Variants in MFSD6 observed in about 807,000 individuals in gnomAD.
The protein encoded by MFSD6 is major facilitator superfamily domain containing 6.
MFSD6 carries 26 observed loss-of-function variants against 56.3 expected under a neutral mutation model. The ratio of observed to expected loss-of-function variants is 0.46; its 90% CI spans 0.34 to 0.64. The LOEUF (loss-of-function observed/expected upper bound fraction) is 0.64, where lower values mean the gene tolerates loss of function less well. Ranked by LOEUF, MFSD6 falls within the 30% of genes least tolerant of loss-of-function variation. The pLI is 0.01. For synonymous variants in MFSD6, 331 were observed against 366.9 expected, an observed-to-expected ratio of 0.90 and a Z score of 1.12; for missense variants, 750 against 986.2, an observed-to-expected ratio of 0.76 and a Z score of 3.21.
intron 4 of MFSD6, among the ~76,000 whole-genome samples, chr2:190,474,716 T>C (rs1688180709): frequency 6.6e-6 from 1 of 152,230 alleles, no homozygotes; most frequent in Non-Finnish European, 1.5e-5. Context: ...ACTCATTTTA[T>C]GAGGCCAGCA....
intron 2 of MFSD6, among the ~76,000 whole-genome samples, chr2:190,422,509 C>G (rs893815319): frequency 3.9e-5 from 6 of 152,174 alleles, no homozygotes; most frequent in Non-Finnish European, 5.9e-5. Flanking sequence ...CTTTATTTCA[C>G]CCATAAACTC....
At position 190,438,766 on chromosome 2, in the gene MFSD6, A is replaced by G. The variant is rs1686267123; in HGVS notation, c.1532+1205A>G. ...AATCTGCTATTTCTATAAGAAATTAAAGAGGAGAAATAGACAATGACAAGA... is the reference window on the plus strand; with the variant it reads ...AATCTGCTATTTCTATAAGAAATTAGAGAGGAGAAATAGACAATGACAAGA... On this transcript the variant is annotated intron_variant, in intron 3 of 7. Transcript: ENST00000392328. This position sits in a 1 kb window ranked among gnomAD's most constrained non-coding sequence, Gnocchi z 5.2. Among the ~76,000 whole-genome samples, 1 of 152,262 alleles carries G rather than the reference A, an allele frequency of 6.6e-6. No individual in the cohort carries two copies. The highest frequency in any genetic ancestry group is 6.5e-5 in the Admixed American group (1 of 15,290).
At chr2:190,446,150 C>T (rs1480421866) in intron 3 of MFSD6, among the ~76,000 whole-genome samples, 1 of 152,158 alleles carries the variant, frequency 6.6e-6, no homozygotes, top group African/African-American at 2.4e-5. Flanking sequence ...CAGGATTCTC[C>T]CCTGTCTTGT....
At position 190,437,961 on chromosome 2, in the gene MFSD6, T is replaced by A. The variant is rs993014345; in HGVS notation, c.1532+400T>A. Among the ~76,000 whole-genome samples, 8 of 152,166 alleles carry A rather than the reference T, an allele frequency of 5.3e-5. No homozygotes were observed. Among genetic ancestry groups the A allele is most frequent in the African/African-American group, 1.4e-4 (6 of 41,414 alleles). On this transcript the variant is annotated intron_variant, in intron 3 of 7. Transcript: ENST00000392328. The surrounding 1 kb of genome is among the most constrained non-coding windows in gnomAD (Gnocchi z 5.9). ...CTTAAGTAGATAAAGTGGACTTTTT[T>A]AAGCCTTTATTCTCAGCCACTTGCT...
chr2:190,476,437 A>G (rs1048031409), intron 4 of MFSD6, among the ~76,000 whole-genome samples: 26 of 152,256 alleles, frequency 1.7e-4, no homozygotes, highest in Non-Finnish European at 3.1e-4. Context: ...TATGCAGCCA[A>G]CAGACACATG....
At position 190,413,705 on chromosome 2, in the gene MFSD6, G is replaced by A. The variant is rs1411483673; in HGVS notation, c.-175-1587G>A. Among the ~76,000 whole-genome samples, 1 of 152,202 alleles carries A rather than the reference G, an allele frequency of 6.6e-6. No homozygotes were observed. Among genetic ancestry groups the A allele is most frequent in the African/African-American group, 2.4e-5 (1 of 41,448 alleles). On this transcript the variant is annotated intron_variant, in intron 1 of 7. Coordinates refer to ENST00000392328, the MANE Select transcript of MFSD6 (RefSeq NM_017694.4). The surrounding 1 kb of genome is among the most constrained non-coding windows in gnomAD (Gnocchi z 4.1). ...GAAAGTGAGTGGCGAGCCTGGACTG[G>A]TAGTTAGCAGTCTGTGTTGGTTATG...
At chr2:190,483,467 A>T (rs1688816965) in intron 4 of MFSD6, among the ~76,000 whole-genome samples, 1 of 152,158 alleles carries the variant, frequency 6.6e-6, no homozygotes, top group South Asian at 2.1e-4. Flanking sequence ...TACTGTACCT[A>T]TTGGAGGAAT....
rs1689353408 is a variant in MFSD6, at chr2:190,491,532, T to C, written c.1891+1666T>C. Reference sequence around the variant, plus strand: ...CCAGCCTGGAGCCTGGTAGCCCTGCTGGGTGGGCTAGATCCAGAAGAGAAA... The same window carrying C: ...CCAGCCTGGAGCCTGGTAGCCCTGCCGGGTGGGCTAGATCCAGAAGAGAAA... On this transcript the variant is annotated intron_variant, in intron 6 of 7. Coordinates refer to ENST00000392328, the MANE Select transcript of MFSD6 (RefSeq NM_017694.4). The surrounding 1 kb of genome is among the most constrained non-coding windows in gnomAD (Gnocchi z 4.2). Among the ~76,000 whole-genome samples the C allele has an allele frequency of 6.6e-6, 1 of 152,168 alleles. No individual in the cohort carries two copies. The highest frequency in any genetic ancestry group is 2.4e-5 in the African/African-American group (1 of 41,434).
intron 3 of MFSD6, among the ~76,000 whole-genome samples, chr2:190,449,878 G>C (rs111496708): frequency 0.23 from 35,011 of 151,882 alleles, 4,954 homozygotes; most frequent in South Asian, 0.32. Context: ...GTGGGGGAAG[G>C]GGGGAGGAAT....
rs866517957 is a variant in MFSD6, at chr2:190,418,698, A to G, written c.-54+3285A>G. 5.3e-5 allele frequency among the ~76,000 whole-genome samples: 8 copies of G among 152,332 alleles called. No individual in the cohort carries two copies. The highest frequency in any genetic ancestry group is 2.1e-4 in the South Asian group (1 of 4,834). ...CTTGAGCCCAGGAGGTCAAGGCTGC[A>G]GTGAGCTGTGATTGTGCCACTGCGC... On this transcript the variant is annotated intron_variant, in intron 2 of 7. Transcript: ENST00000392328. The surrounding 1 kb of genome is among the most constrained non-coding windows in gnomAD (Gnocchi z 4.1).
Position 190,500,164 on chromosome 2 carries a change from G to C in MFSD6, c.2322G>C (p.Pro774=). 6.2e-7 allele frequency: 1 copy of C among 1,614,108 alleles called. No homozygotes were observed. Among genetic ancestry groups the C allele is most frequent in the Non-Finnish European group, 8.5e-7 (1 of 1,180,012 alleles). The part of the protein sequence containing the change: ...QTSPAHPSVD[P]CTEESEEQQA... ...GCCCCGCTCACCCCAGTGTGGACCC[G>C]TGCACAGAGGAGAGTGAAGAGCAGC... The change falls in exon 8 of 8, where the codon CCG becomes CCC. Residue 774 remains proline, a synonymous_variant. Transcript: ENST00000392328. The surrounding 1 kb of genome is among the most constrained non-coding windows in gnomAD (Gnocchi z 5.3).
chr2:190,416,594 C>T lies in MFSD6; in HGVS notation c.-54+1181C>T, dbSNP rs36064835. On this transcript the variant is annotated intron_variant, in intron 2 of 7. Transcript: ENST00000392328. The surrounding 1 kb of genome is among the most constrained non-coding windows in gnomAD (Gnocchi z 4.1). Reference sequence around the variant, plus strand: ...TGAGCACAGATGGATGAAATACTAGCCTAGTTCAAGGGTGGTGCCAAATAA... The same window carrying T: ...TGAGCACAGATGGATGAAATACTAGTCTAGTTCAAGGGTGGTGCCAAATAA... 0.22 allele frequency among the ~76,000 whole-genome samples: 33,803 copies of T among 152,100 alleles called. 4,841 individuals carry two copies. Among genetic ancestry groups the T allele is most frequent in the South Asian group, 0.33 (1,602 of 4,820 alleles).
At chr2:190,493,810 A>T (rs1188761360) in intron 6 of MFSD6, among the ~76,000 whole-genome samples, 2 of 152,146 alleles carry the variant, frequency 1.3e-5, no homozygotes, top group Admixed American at 1.3e-4. Context: ...TTTAAAATTG[A>T]ACTGAACAAT....
At position 190,463,626 on chromosome 2, in the gene MFSD6, G is replaced by A. The variant is rs956366586; in HGVS notation, c.1533-6132G>A. ...GCTTGAGCCCAGGAGTTCATGACCA[G>A]CCTGGGCAACATAGTGAGACTTTGT... is the stretch of plus-strand genomic sequence containing the variant. On this transcript the variant is annotated intron_variant, in intron 3 of 7. Transcript: ENST00000392328. This position sits in a 1 kb window ranked among gnomAD's most constrained non-coding sequence, Gnocchi z 4.4. 2.0e-5 allele frequency among the ~76,000 whole-genome samples: 3 copies of A among 152,146 alleles called. No homozygotes were observed. The highest frequency in any genetic ancestry group is 4.4e-5 in the Non-Finnish European group (3 of 68,028).
rs544591315 is a variant in MFSD6 at position 190,482,903 on chromosome 2, T to TTTTTTTTTTTTTTTG, written c.1631-5754_1631-5753insTTTTTTTTTTTTTTG. Among the ~76,000 whole-genome samples, 482 of 86,230 alleles carry TTTTTTTTTTTTTTTG rather than the reference T, an allele frequency of 5.6e-3. 185 individuals are homozygous for TTTTTTTTTTTTTTTG. Among genetic ancestry groups the TTTTTTTTTTTTTTTG allele is most frequent in the Middle Eastern group, 7.5e-3 (1 of 134 alleles). The allele number at this position is 86,230 out of a possible 152,430, so 56.6% of individuals were successfully genotyped here. ...TTTTTTTTTTTTTTTTTTTTTTTTT[T>TTTTTTTTTTTTTTTG]AGACGGAGTCTCACTCTGTCGCCCA... On this transcript the variant is annotated intron_variant, in intron 4 of 7. Transcript: ENST00000392328.
In MFSD6 at chr2:190,462,598, C is replaced by T. The variant is rs1559125064; in HGVS notation, c.1533-7160C>T. Among the ~76,000 whole-genome samples, 1 of 152,140 alleles carries T rather than the reference C, an allele frequency of 6.6e-6. No homozygotes were observed. Among genetic ancestry groups the T allele is most frequent in the African/African-American group, 2.4e-5 (1 of 41,434 alleles). ...CAGGGTCTCAGTCTTCAGTGTGCAA[C>T]AGACTGTGATGAGTCCTCTAATGGA... On this transcript the variant is annotated intron_variant, in intron 3 of 7. Transcript: ENST00000392328. This position sits in a 1 kb window ranked among gnomAD's most constrained non-coding sequence, Gnocchi z 5.7.
intron 2 of MFSD6, among the ~76,000 whole-genome samples, chr2:190,427,129 C>T (rs1158542736): frequency 2.0e-5 from 3 of 152,242 alleles, no homozygotes; most frequent in Non-Finnish European, 2.9e-5. Context: ...CTCCTGACAT[C>T]ACCCCAGTGG....
At chr2:190,473,453 C>G (rs1182833650) in intron 4 of MFSD6, among the ~76,000 whole-genome samples, 3 of 152,178 alleles carry the variant, frequency 2.0e-5, no homozygotes, top group Middle Eastern at 3.4e-3. Flanking sequence ...TCTGATAAAA[C>G]AAACATCAGA....
intron 2 of MFSD6, among the ~76,000 whole-genome samples, chr2:190,430,043 A>G (rs1291328216): frequency 2.9e-5 from 4 of 136,102 alleles, no homozygotes; most frequent in Non-Finnish European, 4.5e-5. Flanking sequence ...TCCCTGCCCT[A>G]TGTCCAAGTG....
Sources: allele counts gnomAD v4.1 joint callset (sites outside exome capture counted in the v4.1 genomes callset), GRCh38; gene constraint gnomAD v4.1.1; non-coding constraint Gnocchi (gnomAD v3.1); transcripts MANE v1.5; gene names NCBI Gene and HGNC (gene_info 2026-07-23, HGNC 2026-07-21).